The following CSGALNACT1 variants were observed in gnomAD, a reference collection of about 807,000 sequenced individuals.
CSGALNACT1 encodes the protein beta4GalNAcT-1.
In CSGALNACT1, 52 loss-of-function variants were observed where a neutral mutation model predicts 51.0. The observed-to-expected ratio is 1.02, with a 90% CI of 0.82 to 1.29. The LOEUF is 1.29. Among genes scored for constraint, CSGALNACT1 ranks in the 50% most tolerant of loss-of-function variants. The probability of loss-of-function intolerance (pLI) is 0.00; values close to 1 mark genes in which losing one functional copy is unlikely to be tolerated. For synonymous variants in CSGALNACT1, 341 were observed against 254.4 expected (o/e 1.34, Z -3.24); for missense variants, 935 against 679.2 (o/e 1.38, Z -4.19).
intron 1 of CSGALNACT1, among the ~76,000 whole-genome samples, chr8:19,720,757 C>T (rs1994788): frequency 0.76 from 116,260 of 152,100 alleles, 44,716 homozygotes; most frequent in East Asian, 0.86. Flanking sequence ...CTCTGGATGA[C>T]TCTGGTGCTG....
At chr8:19,603,047 T>TACACACAC (rs5889877), upstream of CSGALNACT1, among the ~76,000 whole-genome samples, 313 of 123,108 alleles carry the variant, frequency 2.5e-3, 2 homozygotes, top group African/African-American at 9.1e-3. Context: ...ACTGTGTGTA[T>TACACACAC]ACACACACAC....
chr8:19,483,421 T>C (rs531690885), intron 4 of CSGALNACT1, among the ~76,000 whole-genome samples: 2 of 152,188 alleles, frequency 1.3e-5, no homozygotes, highest in East Asian at 1.9e-4. Context: ...CCAGCCAAAA[T>C]GGATTTTAGC....
chr8:19,639,291 TAAACA>T (rs1394464484), intron 1 of CSGALNACT1, among the ~76,000 whole-genome samples: 1 of 152,222 alleles, frequency 6.6e-6, no homozygotes, highest in Non-Finnish European at 1.5e-5. Flanking sequence ...GGGTTGTATT[TAAACA>T]ATGAGAGACA....
chr8:19,736,882 G>C (rs551667412), intron 1 of CSGALNACT1, among the ~76,000 whole-genome samples: 9 of 151,702 alleles, frequency 5.9e-5, no homozygotes, highest in African/African-American at 2.2e-4. Context: ...ATTGATGAAA[G>C]ACAATTATCC....
At chr8:19,455,357 A>C (rs1321784230) in intron 5 of CSGALNACT1, among the ~76,000 whole-genome samples, 1 of 152,250 alleles carries the variant, frequency 6.6e-6, no homozygotes, top group East Asian at 1.9e-4. Context: ...CTCAGTGTCA[A>C]CCACAGTTCA....
At chr8:19,469,238 A>C (rs1292610367) in intron 4 of CSGALNACT1, among the ~76,000 whole-genome samples, 1 of 152,106 alleles carries the variant, frequency 6.6e-6, no homozygotes, top group African/African-American at 2.4e-5. Flanking sequence ...AAAAAATGTA[A>C]AAATTAGCAG....
At chr8:19,590,479 G>T (rs1435983658) in intron 3 of CSGALNACT1, among the ~76,000 whole-genome samples, 11 of 152,094 alleles carry the variant, frequency 7.2e-5, no homozygotes, top group Admixed American at 4.6e-4. Flanking sequence ...CTAATTCCAA[G>T]GTTGAGACAT....
chr8:19,675,476 C>T (rs2060108212), intron 1 of CSGALNACT1, among the ~76,000 whole-genome samples: 1 of 151,948 alleles, frequency 6.6e-6, no homozygotes, highest in Non-Finnish European at 1.5e-5. Context: ...AGAGAGAGAT[C>T]CTCTAATTCT....
chr8:19,724,085 A>G (rs894743696), intron 1 of CSGALNACT1, among the ~76,000 whole-genome samples: 1 of 152,160 alleles, frequency 6.6e-6, no homozygotes, highest in Admixed American at 6.5e-5. Flanking sequence ...CTGATTTTCC[A>G]ATATCCAATA....
chr8:19,508,594 A>ATAGTTTAAAT (rs1398234084), intron 3 of CSGALNACT1, among the ~76,000 whole-genome samples: 83 of 152,340 alleles, frequency 5.4e-4, no homozygotes, highest in African/African-American at 1.9e-3. Context: ...TAAACTCATT[A>ATAGTTTAAAT]TATCCAAGAA....
chr8:19,430,356 T>G (rs6983973), intron 6 of CSGALNACT1, among the ~76,000 whole-genome samples: 3 of 151,996 alleles, frequency 2.0e-5, no homozygotes, highest in Non-Finnish European at 4.4e-5. Flanking sequence ...TTGATCCATT[T>G]TGACTTCAAG....
At chr8:19,657,089 CAAAT>C (rs1282510158) in intron 1 of CSGALNACT1, among the ~76,000 whole-genome samples, 2 of 130,890 alleles carry the variant, frequency 1.5e-5, no homozygotes, top group Admixed American at 7.5e-5. Context: ...AAAAGGAAAA[CAAAT>C]AAAACCATGT....
chr8:19,623,871 G>T (rs892732881), intron 1 of CSGALNACT1, among the ~76,000 whole-genome samples: 2 of 152,176 alleles, frequency 1.3e-5, no homozygotes, highest in African/African-American at 4.8e-5. Flanking sequence ...AATGACCTAA[G>T]ATGATTTCTC....
chr8:19,674,422 G>A (rs1461535212), intron 1 of CSGALNACT1, among the ~76,000 whole-genome samples: 1 of 152,200 alleles, frequency 6.6e-6, no homozygotes. Flanking sequence ...TGCAGATATG[G>A]TGGCAGGGGG....
chr8:19,490,801 C>T (rs2099571196), intron 4 of CSGALNACT1, among the ~76,000 whole-genome samples: 1 of 152,178 alleles, frequency 6.6e-6, no homozygotes, highest in Non-Finnish European at 1.5e-5. Context: ...AGGGTAAAGA[C>T]TGATTGAGAC....
In CSGALNACT1 at chr8:19,424,984, A is replaced by G. The variant is rs116570442; in HGVS notation, c.954-4466T>C. On this transcript the variant is annotated intron_variant, in intron 6 of 9. Transcript: ENST00000454498. ...ATGATTCCGATTGTGAAAGAAAAAT[A>G]GAATCTCAGGACCCCAAACTCACCA... is the stretch of plus-strand genomic sequence containing the variant. Among the ~76,000 whole-genome samples the G allele has an allele frequency of 2.5e-3, 385 of 152,332 alleles. 2 individuals carry two copies. Among genetic ancestry groups the G allele is most frequent in the African/African-American group, 8.7e-3 (363 of 41,574 alleles).
intron 3 of CSGALNACT1, among the ~76,000 whole-genome samples, chr8:19,560,042 C>T (rs775427915): frequency 5.3e-5 from 8 of 152,298 alleles, no homozygotes; most frequent in Non-Finnish European, 8.8e-5. Context: ...AATAGACAAA[C>T]GGCACTGACT....
rs192307591 is a variant in CSGALNACT1 at position 19,516,810 on chromosome 8, G to T, written c.-296-10680C>A. Among the ~76,000 whole-genome samples the T allele has an allele frequency of 3.3e-5, 5 of 152,214 alleles. No homozygotes were observed. In the East Asian group the frequency reaches 9.6e-4, roughly 29 times the overall value. Reference sequence around the variant, plus strand: ...CTTCCATGATGGGAGCCCCCAGGAGGGGGTGAGATGCTGGAAGTGGCTGCT... The same window carrying T: ...CTTCCATGATGGGAGCCCCCAGGAGTGGGTGAGATGCTGGAAGTGGCTGCT... On this transcript the variant is annotated intron_variant, in intron 3 of 9. Transcript: ENST00000454498.
intron 1 of CSGALNACT1, among the ~76,000 whole-genome samples, chr8:19,668,155 T>C (rs950095252): frequency 5.3e-5 from 8 of 152,340 alleles, no homozygotes; most frequent in African/African-American, 1.7e-4. Context: ...ATTTTTCCTA[T>C]ATTTTGTTCA....
Sources: allele counts gnomAD v4.1 joint callset (sites outside exome capture counted in the v4.1 genomes callset), GRCh38; gene constraint gnomAD v4.1.1; transcripts MANE v1.5; gene names NCBI Gene and HGNC (gene_info 2026-07-23, HGNC 2026-07-21).